Variants in GRM5 observed in about 807,000 individuals in gnomAD.
The protein encoded by GRM5 is metabotropic glutamate receptor 5.
In GRM5, 19 loss-of-function variants were observed where a neutral mutation model predicts 83.1. The observed-to-expected ratio is 0.23, with a 90% CI of 0.16 to 0.34. The LOEUF is 0.34. GRM5 is among the 10% of genes least tolerant of loss of function. The probability of loss-of-function intolerance (pLI) is 1.00; values close to 1 mark genes in which losing one functional copy is unlikely to be tolerated. For synonymous variants in GRM5, 675 were observed against 633.6 expected, an observed-to-expected ratio of 1.07 and a Z score of -0.98; for missense variants, 1,160 against 1,588.3, an observed-to-expected ratio of 0.73 and a Z score of 4.58.
chr11:88,903,496 T>C (rs1010594178), intron 2 of GRM5, among the ~76,000 whole-genome samples: 2 of 152,196 alleles, frequency 1.3e-5, no homozygotes, highest in African/African-American at 4.8e-5. Flanking sequence ...GGAATCAACC[T>C]AAGTGTCTAT....
At chr11:88,797,226 T>G (rs575050685) in intron 3 of GRM5, among the ~76,000 whole-genome samples, 1 of 152,092 alleles carries the variant, frequency 6.6e-6, no homozygotes, top group Non-Finnish European at 1.5e-5. Flanking sequence ...CTCGGCTCAC[T>G]GCAACCTCCG....
rs543797881 is a variant in GRM5 at position 88,508,842 on chromosome 11, G to A, written c.3389C>T (p.Ala1130Val). 2.7e-5 allele frequency: 42 copies of A among 1,554,082 alleles called. No individual in the cohort carries two copies. Among genetic ancestry groups the A allele is most frequent in the African/African-American group, 1.8e-4 (13 of 71,712 alleles). ...GTCCCCAGCCGCCTGCGCCCCTGCC[G>A]CGGGCTGCGCGCCTCCCGTGACTTC... Reference protein sequence around the residue: ...AIEVTGGAQPAAGAQAAGDAA... With the variant: ...AIEVTGGAQPVAGAQAAGDAA... Residue 1130 changes from alanine (A) to valine (V), a missense_variant, in exon 10 of 10, where the codon GCG (alanine) becomes GTG (valine). Around this residue, in one of 9 missense-constraint regions of GRM5, gnomAD observed 562 missense variants for 532.4 expected, o/e 1.06. Transcript: ENST00000305447. The surrounding 1 kb of genome is among the most constrained non-coding windows in gnomAD (Gnocchi z 4.2).
At chr11:89,027,971 C>T (rs1439229872) in intron 2 of GRM5, among the ~76,000 whole-genome samples, 3 of 152,110 alleles carry the variant, frequency 2.0e-5, no homozygotes, top group Non-Finnish European at 4.4e-5. Flanking sequence ...AATTAGGCCC[C>T]CATTTGCCCT....
intron 3 of GRM5, among the ~76,000 whole-genome samples, chr11:88,790,605 A>G (rs1056323563): frequency 6.6e-6 from 1 of 152,182 alleles, no homozygotes; most frequent in Non-Finnish European, 1.5e-5. Flanking sequence ...GGCTCGATGT[A>G]TGTGACAGAT....
chr11:88,972,310 C>T (rs1565315156), intron 2 of GRM5, among the ~76,000 whole-genome samples: 1 of 152,102 alleles, frequency 6.6e-6, no homozygotes, highest in Non-Finnish European at 1.5e-5. Flanking sequence ...TTCCCTCACC[C>T]TAAAACCAAT....
intron 3 of GRM5, among the ~76,000 whole-genome samples, chr11:88,724,633 C>T (rs1044624333): frequency 3.3e-5 from 5 of 152,084 alleles, no homozygotes; most frequent in East Asian, 3.9e-4. Context: ...TGGCCAAATA[C>T]AAACAGCTCC....
At chr11:89,056,237 G>A (rs1941871248) in intron 1 of GRM5, among the ~76,000 whole-genome samples, 1 of 152,122 alleles carries the variant, frequency 6.6e-6, no homozygotes, top group Admixed American at 6.6e-5. Context: ...TATAAAAGAT[G>A]ATATCAACTT....
chr11:88,974,987 A>G (rs1366851676), intron 2 of GRM5, among the ~76,000 whole-genome samples: 3 of 152,216 alleles, frequency 2.0e-5, no homozygotes, highest in Non-Finnish European at 4.4e-5. Flanking sequence ...GAGAAGACTT[A>G]TCATGTAAAA....
At chr11:88,834,205 A>G (rs11021523) in intron 3 of GRM5, among the ~76,000 whole-genome samples, 3,857 of 152,234 alleles carry the variant, frequency 0.025, 173 homozygotes, top group African/African-American at 0.089. Flanking sequence ...ACTCATTCTG[A>G]CTGTAAAAAA....
chr11:88,550,176 A>G (rs967185904), intron 8 of GRM5, among the ~76,000 whole-genome samples: 7 of 152,152 alleles, frequency 4.6e-5, no homozygotes, highest in Non-Finnish European at 7.4e-5. Flanking sequence ...ATCATCACTT[A>G]ATTTCTTGGT....
intron 2 of GRM5, among the ~76,000 whole-genome samples, chr11:88,965,493 A>T (rs1938926444): frequency 2.0e-5 from 3 of 152,170 alleles, no homozygotes; most frequent in African/African-American, 7.2e-5. Context: ...ATTTGGGTTG[A>T]CATAAACATT....
chr11:88,575,461 C>T lies in GRM5; in HGVS notation c.1691-7469G>A, dbSNP rs1358155333. ...TCAGGGGAGGCAACTTGGCCAGTTA[C>T]TCCTCTGAAAGAAGTCCTGAGTCTA... On this transcript the variant is annotated intron_variant, in intron 7 of 9. Transcript: ENST00000305447. 2.0e-5 allele frequency among the ~76,000 whole-genome samples: 3 copies of T among 152,190 alleles called. No individual in the cohort carries two copies. The East Asian group carries it at 5.8e-4, about 29-fold the overall frequency.
intron 5 of GRM5, among the ~76,000 whole-genome samples, chr11:88,599,573 T>C (rs1383169588): frequency 1.3e-5 from 2 of 152,212 alleles, no homozygotes; most frequent in Non-Finnish European, 2.9e-5. Flanking sequence ...AGATAGAATA[T>C]AGCTTTTATT....
At chr11:88,573,648 A>G (rs1048109841) in intron 7 of GRM5, among the ~76,000 whole-genome samples, 6 of 152,222 alleles carry the variant, frequency 3.9e-5, no homozygotes, top group Non-Finnish European at 7.3e-5. Flanking sequence ...TGATCTATTA[A>G]AACTAATATG....
chr11:88,842,988 G>C (rs1176128563), intron 3 of GRM5, among the ~76,000 whole-genome samples: 1 of 152,074 alleles, frequency 6.6e-6, no homozygotes, highest in Non-Finnish European at 1.5e-5. Context: ...CATTCCTATT[G>C]TTAACTTTTA....
chr11:88,635,926 G>A (rs551551679), intron 4 of GRM5, among the ~76,000 whole-genome samples: 1 of 152,240 alleles, frequency 6.6e-6, no homozygotes, highest in South Asian at 2.1e-4. Context: ...TGATACTAAT[G>A]TATTAAAATT....
At chr11:88,743,395 C>T (rs141111225) in intron 3 of GRM5, among the ~76,000 whole-genome samples, 307 of 152,238 alleles carry the variant, frequency 2.0e-3, no homozygotes, top group African/African-American at 6.4e-3. Context: ...ATTTTCATAA[C>T]CTGAGTATAA....
At chr11:88,873,651 G>T (rs1393845730) in intron 2 of GRM5, among the ~76,000 whole-genome samples, 1 of 151,450 alleles carries the variant, frequency 6.6e-6, no homozygotes. Context: ...CATTTTTGAA[G>T]AATATTGATA....
At chr11:88,815,392 C>T (rs945153660) in intron 3 of GRM5, among the ~76,000 whole-genome samples, 1 of 152,040 alleles carries the variant, frequency 6.6e-6, no homozygotes, top group Non-Finnish European at 1.5e-5. Context: ...AAATAAAACA[C>T]AACATATTAA....
Sources: allele counts gnomAD v4.1 joint callset (sites outside exome capture counted in the v4.1 genomes callset), GRCh38; gene constraint gnomAD v4.1.1; regional missense constraint gnomAD v4.1.1; non-coding constraint Gnocchi (gnomAD v3.1); transcripts MANE v1.5; gene names NCBI Gene and HGNC (gene_info 2026-07-23, HGNC 2026-07-21).